The following ARSB variants were observed in gnomAD, a reference collection of about 807,000 sequenced individuals.
The protein encoded by ARSB is N-acetylgalactosamine-4-sulfatase.
Under a neutral mutation model 50.9 loss-of-function variants are expected in ARSB, and 41 were observed. The ratio of observed to expected loss-of-function variants is 0.81; its 90% CI spans 0.63 to 1.04. ARSB has a LOEUF of 1.04. Ranked by LOEUF, ARSB falls within the 50% of genes least tolerant of loss-of-function variation. ARSB has a pLI of 0.00. For synonymous variants in ARSB, 269 were observed against 284.8 expected (o/e 0.94, Z 0.56); for missense variants, 672 against 693.3 (o/e 0.97, Z 0.35).
chr5:78,801,075 T>C (rs937697907), intron 6 of ARSB, among the ~76,000 whole-genome samples: 2 of 152,192 alleles, frequency 1.3e-5, no homozygotes, highest in Non-Finnish European at 2.9e-5. Context: ...CTCCAACATA[T>C]AGAAGTTAGA....
At chr5:78,887,301 G>GTT (rs367567273) in intron 4 of ARSB, among the ~76,000 whole-genome samples, 2,758 of 152,186 alleles carry the variant, frequency 0.018, 75 homozygotes, top group African/African-American at 0.062. Flanking sequence ...GGACCAAAGA[G>GTT]CAGGAAGAGC....
intron 3 of ARSB, among the ~76,000 whole-genome samples, chr5:78,962,664 C>T (rs999142688): frequency 4.6e-5 from 7 of 151,952 alleles, no homozygotes; most frequent in African/African-American, 1.7e-4. Flanking sequence ...AGTAGCTGGA[C>T]TACAGGCACC....
intron 4 of ARSB, among the ~76,000 whole-genome samples, chr5:78,939,216 A>C (rs1205799089): frequency 6.6e-6 from 1 of 152,142 alleles, no homozygotes; most frequent in Non-Finnish European, 1.5e-5. Flanking sequence ...CAGAATTACA[A>C]AACCATCAGC....
intron 4 of ARSB, among the ~76,000 whole-genome samples, chr5:78,923,933 G>C (rs1204924384): frequency 1.3e-5 from 2 of 152,154 alleles, no homozygotes; most frequent in Admixed American, 1.3e-4. Flanking sequence ...AGGTTCCAAG[G>C]CCTGCCCAGC....
intron 6 of ARSB, among the ~76,000 whole-genome samples, chr5:78,837,945 G>A (rs187105514): frequency 1.3e-5 from 2 of 152,124 alleles, no homozygotes; most frequent in African/African-American, 4.8e-5. Flanking sequence ...AGCCATTCTC[G>A]CCTGTCTCAG....
At chr5:78,935,927 TCCTCCACTCCCCTCCCCTCC>T (rs1750562170) in intron 4 of ARSB, among the ~76,000 whole-genome samples, 1 of 107,064 alleles carries the variant, frequency 9.3e-6, no homozygotes, top group African/African-American at 3.5e-5. Context: ...TCCTCCCCTC[TCCTCCACTCCCCTCCCCTCC>T]CCTCCCCCCT....
At chr5:78,872,643 A>AT (rs1210964429) in intron 5 of ARSB, among the ~76,000 whole-genome samples, 2 of 140,228 alleles carry the variant, frequency 1.4e-5, no homozygotes, top group East Asian at 4.0e-4. Flanking sequence ...AGGAAGGGGA[A>AT]TATCACACCC....
At position 78,984,965 on chromosome 5, in the gene ARSB, C is replaced by T. The variant is rs118203942; in HGVS notation, c.284G>A (p.Arg95Gln). The change falls in exon 1 of 8, where the codon CGG (arginine) becomes CAG (glutamine). Residue 95 changes from arginine to glutamine, a missense_variant. Transcript: ENST00000264914. ...GTAGCGGCCAGTGAGCAGCTGGCTC[C>T]GCGACGGCGTGCACAGCGGCTGCGT... is the stretch of plus-strand genomic sequence containing the variant. The part of the protein sequence containing the change: ...YYTQPLCTPS[R>Q]SQLLTGRYQI... 5.4e-6 allele frequency: 8 copies of T among 1,488,434 alleles called. No individual in the cohort carries two copies. Among genetic ancestry groups the T allele is most frequent in the Admixed American group, 2.1e-5 (1 of 47,132 alleles). The allele number at this position is 1,488,434 out of a possible 1,614,324, so 92.2% of individuals were successfully genotyped here.
chr5:78,911,057 T>C (rs1749285384), intron 4 of ARSB, among the ~76,000 whole-genome samples: 1 of 152,160 alleles, frequency 6.6e-6, no homozygotes, highest in Non-Finnish European at 1.5e-5. Context: ...TGTGGTTGAA[T>C]GGTGAGAATG....
At chr5:78,793,978 C>A (rs542666702) in intron 6 of ARSB, among the ~76,000 whole-genome samples, 1 of 152,126 alleles carries the variant, frequency 6.6e-6, no homozygotes, top group African/African-American at 2.4e-5. Flanking sequence ...GTGATCTGGG[C>A]AGAGGCACAA....
chr5:78,890,225 T>C lies in ARSB; in HGVS notation c.899-4398A>G, dbSNP rs536139492. ...ACATTATCTACCTAGATATTCAAAT[T>C]ACATTCTGATATTCTCAAATCTTAT... On this transcript the variant is annotated intron_variant, in intron 4 of 7. Coordinates refer to ENST00000264914, the MANE Select transcript of ARSB (RefSeq NM_000046.5). Among the ~76,000 whole-genome samples the C allele has an allele frequency of 9.9e-5, 15 of 151,240 alleles. No homozygotes were observed. The South Asian group carries it at 2.9e-3, about 30-fold the overall frequency.
chr5:78,940,860 T>C (rs1192247088), intron 4 of ARSB, among the ~76,000 whole-genome samples: 2 of 152,198 alleles, frequency 1.3e-5, no homozygotes, highest in African/African-American at 2.4e-5. Flanking sequence ...ATTGAATCTA[T>C]AAATTACCTT....
intron 6 of ARSB, among the ~76,000 whole-genome samples, chr5:78,838,870 A>G (rs544609869): frequency 6.6e-6 from 1 of 152,352 alleles, no homozygotes; most frequent in Admixed American, 6.5e-5. Flanking sequence ...GACTGCTAGG[A>G]AAGTCACACT....
chr5:78,861,205 G>C (rs1455365549), intron 5 of ARSB, among the ~76,000 whole-genome samples: 3 of 152,104 alleles, frequency 2.0e-5, no homozygotes, highest in East Asian at 1.9e-4. Flanking sequence ...TGGTACCATT[G>C]CTTCTGAAAC....
At chr5:78,942,385 T>C (rs965295623) in intron 4 of ARSB, among the ~76,000 whole-genome samples, 34 of 31,102 alleles carry the variant, frequency 1.1e-3, no homozygotes, top group Non-Finnish European at 5.5e-4. Flanking sequence ...AGGGTGTCAA[T>C]TGTAGACCTT....
At chr5:78,874,950 T>C (rs1379249881) in intron 5 of ARSB, among the ~76,000 whole-genome samples, 1 of 151,506 alleles carries the variant, frequency 6.6e-6, no homozygotes, top group Non-Finnish European at 1.5e-5. Flanking sequence ...CTCTACAAAA[T>C]AAAAATTTAA....
intron 5 of ARSB, among the ~76,000 whole-genome samples, chr5:78,847,982 T>C (rs1183550409): frequency 6.6e-6 from 1 of 151,988 alleles, no homozygotes; most frequent in Non-Finnish European, 1.5e-5. Flanking sequence ...TTGTCAGTTT[T>C]GTTAATCGTT....
At chr5:78,953,936 T>C (rs572622691) in intron 4 of ARSB, among the ~76,000 whole-genome samples, 5 of 152,096 alleles carry the variant, frequency 3.3e-5, no homozygotes, top group African/African-American at 1.2e-4. Flanking sequence ...AAACAAGTTA[T>C]GACATCTATA....
At chr5:78,891,217 T>G (rs1477490492) in intron 4 of ARSB, among the ~76,000 whole-genome samples, 1 of 152,222 alleles carries the variant, frequency 6.6e-6, no homozygotes, top group Non-Finnish European at 1.5e-5. Flanking sequence ...TTCTAAGCCT[T>G]TGTCCAGCTA....
Sources: gnomAD v4.1 joint callset for allele counts (sites outside exome capture counted in the v4.1 genomes callset) on GRCh38, gnomAD v4.1.1 for gene constraint, MANE v1.5 for transcripts, NCBI Gene and HGNC (gene_info 2026-07-23, HGNC 2026-07-21) for gene names.